GABRA3: variants seen among roughly 807,000 people sequenced by gnomAD.
The protein encoded by GABRA3 is gamma-aminobutyric acid receptor subunit alpha-3.
In GABRA3, 10 loss-of-function variants were observed where a neutral mutation model predicts 30.1. The observed-to-expected ratio is 0.33, with a 90% CI of 0.20 to 0.56. The LOEUF (loss-of-function observed/expected upper bound fraction) is 0.56, where lower values mean the gene tolerates loss of function less well. Among genes scored for constraint, GABRA3 ranks in the 20% least tolerant of loss-of-function variants. The probability of loss-of-function intolerance (pLI) is 0.89; values close to 1 mark genes in which losing one functional copy is unlikely to be tolerated. For synonymous variants in GABRA3, 151 were observed against 146.8 expected (o/e 1.03, Z -0.21); for missense variants, 233 against 392.0 (o/e 0.59, Z 3.42).
chrX:152,421,703 T>C (rs548306724), intron 1 of GABRA3, among the ~76,000 whole-genome samples: 2 of 111,521 alleles, frequency 1.8e-5, no homozygotes, highest in South Asian at 3.7e-4. Flanking sequence ...AAGCAAATGG[T>C]GACAATTGAA....
At chrX:152,386,071 T>C (rs1229427) in intron 1 of GABRA3, among the ~76,000 whole-genome samples, 52,604 of 103,835 alleles carry the variant, frequency 0.51, 11,243 homozygotes, top group Non-Finnish European at 0.63. Flanking sequence ...GACTTGGCGA[T>C]GTGGGCTCTT....
chrX:152,190,352 GA>G (rs1157330274), intron 8 of GABRA3, among the ~76,000 whole-genome samples: 2 of 109,621 alleles, frequency 1.8e-5, no homozygotes, highest in Non-Finnish European at 3.8e-5. Flanking sequence ...CCATGCAAGG[GA>G]AAAAAAATCT....
At chrX:152,427,046 G>A (rs749524560) in intron 1 of GABRA3, among the ~76,000 whole-genome samples, 1 of 111,319 alleles carries the variant, frequency 9.0e-6, no homozygotes, top group Admixed American at 9.5e-5. Flanking sequence ...ACCCAATACG[G>A]CAGGTATGTT....
At chrX:152,448,453 T>A (rs1024915117) in intron 1 of GABRA3, among the ~76,000 whole-genome samples, 1 of 111,736 alleles carries the variant, frequency 8.9e-6, no homozygotes, top group African/African-American at 3.3e-5. Context: ...ATCTTACAGA[T>A]GGAAAAACTG....
chrX:152,391,328 G>A (rs769538917), intron 1 of GABRA3, among the ~76,000 whole-genome samples: 52 of 111,589 alleles, frequency 4.7e-4, no homozygotes, highest in African/African-American at 1.5e-3. Context: ...AATTCCTTAC[G>A]CGTGCTCAGT....
chrX:152,231,286 T>C (rs1204223380), intron 5 of GABRA3, among the ~76,000 whole-genome samples: 2 of 108,797 alleles, frequency 1.8e-5, no homozygotes, highest in Admixed American at 9.9e-5. Flanking sequence ...TATGTATACA[T>C]ATACGTGTAT....
intron 9 of GABRA3, among the ~76,000 whole-genome samples, chrX:152,186,017 T>C (rs1030516543): frequency 5.4e-5 from 6 of 111,292 alleles, no homozygotes; most frequent in African/African-American, 2.0e-4. Context: ...ATTCAGAAAA[T>C]ACTCATTCCC....
At chrX:152,320,636 G>A (rs889595642) in intron 3 of GABRA3, among the ~76,000 whole-genome samples, 1 of 111,261 alleles carries the variant, frequency 9.0e-6, no homozygotes, top group Middle Eastern at 4.6e-3. Flanking sequence ...CTGCTCAGGT[G>A]ATGGGTGCAC....
chrX:152,208,641 T>G (rs1193845509), intron 6 of GABRA3, among the ~76,000 whole-genome samples: 1 of 106,952 alleles, frequency 9.3e-6, no homozygotes, highest in African/African-American at 3.6e-5. Flanking sequence ...TCCTCACAAA[T>G]GGCTTGGTGA....
intron 1 of GABRA3, among the ~76,000 whole-genome samples, chrX:152,404,738 A>T (rs201295272): frequency 2.0e-3 from 5 of 2,504 alleles, no homozygotes; most frequent in Non-Finnish European, 3.2e-3. Context: ...GTCATTTATT[A>T]TTATTATTAT....
At chrX:152,388,986 T>C (rs1014752841) in intron 1 of GABRA3, among the ~76,000 whole-genome samples, 1 of 112,286 alleles carries the variant, frequency 8.9e-6, no homozygotes, top group Non-Finnish European at 1.9e-5. Context: ...CTAGGGCTTA[T>C]AATACTTCAT....
chrX:152,256,713 T>C (rs1284181581), intron 4 of GABRA3, among the ~76,000 whole-genome samples: 1 of 112,347 alleles, frequency 8.9e-6, no homozygotes, highest in Non-Finnish European at 1.9e-5. Flanking sequence ...CATTTTCTTG[T>C]AGCTATTAAT....
chrX:152,359,246 G>T (rs1464159175), intron 2 of GABRA3, among the ~76,000 whole-genome samples: 1 of 111,095 alleles, frequency 9.0e-6, no homozygotes, highest in Admixed American at 9.6e-5. Flanking sequence ...CTTGTTATTG[G>T]TCTGTTCAGG....
At chrX:152,449,417 T>C (rs1454484296) in intron 1 of GABRA3, among the ~76,000 whole-genome samples, 1 of 112,303 alleles carries the variant, frequency 8.9e-6, no homozygotes, top group African/African-American at 3.2e-5. Context: ...TTTAGTATTC[T>C]AAAATTTTCG....
chrX:152,225,498 G>A (rs1419184908), intron 5 of GABRA3, among the ~76,000 whole-genome samples: 5 of 108,086 alleles, frequency 4.6e-5, no homozygotes, highest in Admixed American at 1.0e-4. Context: ...AGGTGATGGA[G>A]GACATCGGAA....
At chrX:152,218,298 A>G (rs1355625486) in intron 6 of GABRA3, among the ~76,000 whole-genome samples, 1 of 110,375 alleles carries the variant, frequency 9.1e-6, no homozygotes, top group Non-Finnish European at 1.9e-5. Context: ...TTTCTTACTG[A>G]TTTCTAATTC....
intron 4 of GABRA3, among the ~76,000 whole-genome samples, chrX:152,260,103 G>A (rs770551456): frequency 9.0e-6 from 1 of 110,600 alleles, no homozygotes; most frequent in Non-Finnish European, 1.9e-5. Context: ...TAGTCTGGCG[G>A]TACTCTTGTG....
intron 1 of GABRA3, among the ~76,000 whole-genome samples, chrX:152,383,929 G>A (rs1256220313): frequency 1.0e-5 from 1 of 97,662 alleles, no homozygotes; most frequent in African/African-American, 3.8e-5. Context: ...TCTGGTTACT[G>A]ATGACATGAT....
At chrX:152,387,903 A>C (rs1285671699) in intron 1 of GABRA3, among the ~76,000 whole-genome samples, 1 of 111,811 alleles carries the variant, frequency 8.9e-6, no homozygotes, top group African/African-American at 3.2e-5. Flanking sequence ...CTGTAAAAAA[A>C]AATCCATGCT....
Sources: allele counts gnomAD v4.1 joint callset (sites outside exome capture counted in the v4.1 genomes callset), GRCh38; gene constraint gnomAD v4.1.1; transcripts MANE v1.5; gene names NCBI Gene and HGNC (gene_info 2026-07-23, HGNC 2026-07-21).